PTPRD: variants seen among roughly 807,000 people sequenced by gnomAD.
PTPRD encodes the protein receptor-type tyrosine-protein phosphatase delta.
PTPRD carries 34 observed loss-of-function variants against 214.5 expected under a neutral mutation model. That is an observed-to-expected ratio of 0.16 (90% CI 0.12 to 0.21). The LOEUF (loss-of-function observed/expected upper bound fraction) is 0.21, where lower values mean the gene tolerates loss of function less well. Among genes scored for constraint, PTPRD ranks in the 10% least tolerant of loss-of-function variants. The probability of loss-of-function intolerance (pLI) is 1.00; values close to 1 mark genes in which losing one functional copy is unlikely to be tolerated. For missense variants in PTPRD, 2,545 were observed against 2,398.7 expected (o/e 1.06, Z -1.27); for synonymous variants, 1,128 against 845.7 (o/e 1.33, Z -5.79).
intron 11 of PTPRD, among the ~76,000 whole-genome samples, chr9:8,987,580 T>G (rs1567423668): frequency 6.6e-6 from 1 of 152,124 alleles, no homozygotes; most frequent in African/African-American, 2.4e-5. Context: ...AGGTGAAATA[T>G]TAAGTGCTAA....
chr9:9,402,981 A>C (rs888179191), intron 8 of PTPRD, among the ~76,000 whole-genome samples: 3 of 147,334 alleles, frequency 2.0e-5, no homozygotes, highest in Non-Finnish European at 4.5e-5. Flanking sequence ...AAAAAAAAAA[A>C]AAAAAAAACA....
intron 8 of PTPRD, among the ~76,000 whole-genome samples, chr9:9,453,486 C>A (rs762660392): frequency 1.3e-4 from 20 of 151,424 alleles, no homozygotes; most frequent in Non-Finnish European, 3.0e-4. Context: ...CATAGAATAA[C>A]CATTCAAAGA....
intron 10 of PTPRD, among the ~76,000 whole-genome samples, chr9:9,097,596 G>C (rs926636444): frequency 1.3e-5 from 2 of 151,712 alleles, no homozygotes; most frequent in African/African-American, 4.8e-5. Flanking sequence ...ATTTTTAGTA[G>C]AGACAGGGTT....
chr9:9,727,555 G>A (rs7863452), intron 7 of PTPRD, among the ~76,000 whole-genome samples: 38,370 of 152,070 alleles, frequency 0.25, 5,490 homozygotes, highest in Middle Eastern at 0.41. Context: ...CCCACTAAGT[G>A]ATCACTCTTC....
At chr9:9,452,640 C>T (rs1007609957) in intron 8 of PTPRD, among the ~76,000 whole-genome samples, 1 of 151,174 alleles carries the variant, frequency 6.6e-6, no homozygotes, top group African/African-American at 2.4e-5. Flanking sequence ...TTACTTTGAG[C>T]ATTAAATAGA....
At chr9:9,707,493 C>T (rs1340612086) in intron 7 of PTPRD, among the ~76,000 whole-genome samples, 1 of 151,938 alleles carries the variant, frequency 6.6e-6, no homozygotes, top group Non-Finnish European at 1.5e-5. Context: ...AGAACCGGTA[C>T]AAATAATTCA....
intron 11 of PTPRD, among the ~76,000 whole-genome samples, chr9:8,954,508 G>A (rs1387549119): frequency 6.7e-6 from 1 of 148,886 alleles, no homozygotes; most frequent in Admixed American, 6.8e-5. Context: ...AGTCAAAAAA[G>A]AGAGAAAGAA....
chr9:10,328,004 T>G (rs1565322125), intron 3 of PTPRD, among the ~76,000 whole-genome samples: 1 of 151,776 alleles, frequency 6.6e-6, no homozygotes, highest in Non-Finnish European at 1.5e-5. Flanking sequence ...AATAAAGAGA[T>G]AATACTTATA....
At chr9:9,029,688 G>T (rs2099598371) in intron 10 of PTPRD, among the ~76,000 whole-genome samples, 2 of 151,812 alleles carry the variant, frequency 1.3e-5, no homozygotes, top group African/African-American at 4.8e-5. Context: ...TGAGGAGAGG[G>T]TTATAAGTCC....
intron 11 of PTPRD, among the ~76,000 whole-genome samples, chr9:8,968,650 G>A (rs938313242): frequency 6.6e-6 from 1 of 151,992 alleles, no homozygotes; most frequent in Non-Finnish European, 1.5e-5. Flanking sequence ...GTTATTTAAA[G>A]GTTAAGTTAT....
At chr9:10,555,952 T>C (rs372397600) in intron 2 of PTPRD, among the ~76,000 whole-genome samples, 8 of 152,296 alleles carry the variant, frequency 5.3e-5, no homozygotes, top group African/African-American at 1.9e-4. Context: ...GGGAAATGTA[T>C]GCTAGTGAAG....
chr9:8,767,094 G>T (rs561585837), intron 11 of PTPRD, among the ~76,000 whole-genome samples: 70 of 152,192 alleles, frequency 4.6e-4, no homozygotes, highest in African/African-American at 1.7e-3. Context: ...ATATGTAAGA[G>T]ATTTAGATAA....
chr9:10,115,569 A>T (rs1283618474), intron 3 of PTPRD, among the ~76,000 whole-genome samples: 1 of 152,072 alleles, frequency 6.6e-6, no homozygotes, highest in Non-Finnish European at 1.5e-5. Context: ...ACTCACTTTC[A>T]AGGTTGATGT....
intron 9 of PTPRD, among the ~76,000 whole-genome samples, chr9:9,280,330 G>A (rs570023526): frequency 6.6e-6 from 1 of 150,694 alleles, no homozygotes; most frequent in Non-Finnish European, 1.5e-5. Context: ...TAAGGAATAG[G>A]GAAATATAAC....
At chr9:10,306,595 C>A (rs547907947) in intron 3 of PTPRD, among the ~76,000 whole-genome samples, 1 of 151,910 alleles carries the variant, frequency 6.6e-6, no homozygotes, top group Admixed American at 6.6e-5. Flanking sequence ...TTTAAGTTCC[C>A]CAAGCAGTTT....
intron 44 of PTPRD, among the ~76,000 whole-genome samples, chr9:8,328,572 T>G (rs1472614382): frequency 6.7e-6 from 1 of 148,378 alleles, no homozygotes; most frequent in Non-Finnish European, 1.5e-5. Context: ...TGGCCTGTCT[T>G]GCTAGGTTGG....
chr9:8,468,166 C>A (rs1018053578), intron 31 of PTPRD, among the ~76,000 whole-genome samples: 1 of 151,956 alleles, frequency 6.6e-6, no homozygotes, highest in African/African-American at 2.4e-5. Flanking sequence ...CCAATGCAGT[C>A]ATTCATTAAA....
intron 11 of PTPRD, among the ~76,000 whole-genome samples, chr9:8,876,413 G>A (rs562093568): frequency 1.2e-4 from 18 of 152,214 alleles, no homozygotes; most frequent in South Asian, 2.1e-4. Context: ...AATAGACCAG[G>A]AATGTGATTT....
At chr9:9,710,481 GGTTTT>G (rs2097705211) in intron 7 of PTPRD, among the ~76,000 whole-genome samples, 1 of 151,962 alleles carries the variant, frequency 6.6e-6, no homozygotes. Flanking sequence ...AAATTTTAAT[GGTTTT>G]ATTTCAAATA....
Sources: gnomAD v4.1 joint callset for allele counts (sites outside exome capture counted in the v4.1 genomes callset) on GRCh38, gnomAD v4.1.1 for gene constraint, MANE v1.5 for transcripts, NCBI Gene and HGNC (gene_info 2026-07-23, HGNC 2026-07-21) for gene names.